The following DLG5 variants were observed in gnomAD, a reference collection of about 807,000 sequenced individuals.
DLG5 encodes disks large homolog 5.
A neutral mutation model predicts 189.8 loss-of-function variants in DLG5; 48 were observed. That is an observed-to-expected ratio of 0.25 (90% CI 0.20 to 0.32). The LOEUF (loss-of-function observed/expected upper bound fraction) is 0.32, where lower values mean the gene tolerates loss of function less well. Among genes scored for constraint, DLG5 ranks in the 10% least tolerant of loss-of-function variants. DLG5 has a pLI of 1.00. For missense variants in DLG5, 2,160 were observed against 2,544.7 expected (o/e 0.85, Z 3.25); for synonymous variants, 1,016 against 1,054.1 (o/e 0.96, Z 0.70).
chr10:77,822,078 C>A lies in DLG5; in HGVS notation c.2406G>T (p.Trp802Cys). 6.2e-7 allele frequency: 1 copy of A among 1,613,540 alleles called. No homozygotes were observed. Among genetic ancestry groups the A allele is most frequent in the Non-Finnish European group, 8.5e-7 (1 of 1,179,694 alleles). ...TATTTTCAAAAATGTTCTGGCCACT[C>A]CACGAGGAGCTCTGAGGGAATACCT... ...LLKVFPQSSSWSGQNIFENIK... is the reference protein window; with the variant it reads ...LLKVFPQSSSCSGQNIFENIK... Residue 802 changes from tryptophan to cysteine, a missense_variant, in exon 15 of 32, where the codon TGG becomes TGT. Trp to Cys is a radical substitution (Grantham distance 215). Coordinates refer to ENST00000372391, the MANE Select transcript of DLG5 (RefSeq NM_004747.4).
intron 1 of DLG5, among the ~76,000 whole-genome samples, chr10:77,895,112 A>T (rs1228273667): frequency 6.6e-6 from 1 of 152,138 alleles, no homozygotes; most frequent in African/African-American, 2.4e-5. Context: ...ATCAGGGCTC[A>T]CTCTGCAGCC....
In DLG5 at chr10:77,811,085, T is replaced by A. The variant is rs374163392; in HGVS notation, c.4463+9A>T. On this transcript the variant is annotated intron_variant, in intron 23 of 31. Coordinates refer to ENST00000372391, the MANE Select transcript of DLG5 (RefSeq NM_004747.4). ...GACACAGGGAAGGCTCACAGCAACG[T>A]CTGCTGACCTGGAGCTGCTCTGCTT... 4.3e-6 allele frequency: 7 copies of A among 1,610,106 alleles called. No individual in the cohort carries two copies. In the African/African-American group the frequency reaches 9.4e-5, roughly 22 times the overall value.
At chr10:77,884,571 T>C (rs1269334699) in intron 1 of DLG5, among the ~76,000 whole-genome samples, 3 of 152,272 alleles carry the variant, frequency 2.0e-5, no homozygotes, top group Admixed American at 2.0e-4. Flanking sequence ...CTTCCCGTAA[T>C]TAATTACTGA....
intron 8 of DLG5, among the ~76,000 whole-genome samples, chr10:77,835,240 T>A (rs909864900): frequency 6.6e-6 from 1 of 152,008 alleles, no homozygotes; most frequent in African/African-American, 2.4e-5. Flanking sequence ...TGCCACACTC[T>A]CTGGGGAGAC....
chr10:77,817,046 T>C lies in DLG5; in HGVS notation c.3835A>G (p.Thr1279Ala). 6.2e-7 allele frequency: 1 copy of C among 1,614,114 alleles called. No individual in the cohort carries two copies. Among genetic ancestry groups the C allele is most frequent in the Non-Finnish European group, 8.5e-7 (1 of 1,180,022 alleles). ...FKAERIKIPS[T>A]PRYPRSVVGS... The stretch of plus-strand genomic sequence containing the variant: ...ACGACACTCCGCGGATATCTTGGTG[T>C]TGATGGGATTTTAATGCGTTCCGCC... Residue 1279 changes from threonine (T) to alanine (A), a missense_variant, in exon 19 of 32, where the codon ACA becomes GCA. Thr to Ala is a moderately conservative substitution (Grantham distance 58). Coordinates refer to ENST00000372391, the MANE Select transcript of DLG5 (RefSeq NM_004747.4).
In DLG5 at chr10:77,807,952, G is replaced by A; in HGVS notation, c.4648-8C>T. 6.2e-7 allele frequency: 1 copy of A among 1,613,944 alleles called. No individual in the cohort carries two copies. Among genetic ancestry groups the A allele is most frequent in the Non-Finnish European group, 8.5e-7 (1 of 1,179,962 alleles). On this transcript the variant is annotated splice_region_variant and splice_polypyrimidine_tract_variant and intron_variant, in intron 24 of 31. Transcript: ENST00000372391. ...CACGTCCAGGCTGCCATACTGCCAG[G>A]GATGGGGGTGGATGCATCAGAAGGC...
chr10:77,932,762 G>A, the DLG5 span, among the ~76,000 whole-genome samples: 2 of 152,216 alleles, frequency 1.3e-5, no homozygotes, highest in African/African-American at 4.8e-5. Flanking sequence ...CTGCAGAGTG[G>A]CCACTGCTGG....
At chr10:77,931,439 A>G (rs1846785419), upstream of DLG5, among the ~76,000 whole-genome samples, 2 of 151,386 alleles carry the variant, frequency 1.3e-5, no homozygotes, top group African/African-American at 2.4e-5. Context: ...TTGTAGAGAC[A>G]GAGTCTCGTT....
chr10:77,834,286 A>C (rs1843017640), intron 8 of DLG5, among the ~76,000 whole-genome samples: 1 of 152,120 alleles, frequency 6.6e-6, no homozygotes, highest in Admixed American at 6.5e-5. Flanking sequence ...AACAAGTGTC[A>C]GGTTCCCAAT....
intron 2 of DLG5, among the ~76,000 whole-genome samples, chr10:77,863,163 C>A (rs1279054145): frequency 6.6e-6 from 1 of 152,176 alleles, no homozygotes; most frequent in South Asian, 2.1e-4. Flanking sequence ...ACAATCAAGG[C>A]TCACTACAAC....
chr10:77,835,656 T>G, intron 8 of DLG5, 82 bp downstream of exon 8: 2 of 1,422,360 alleles, frequency 1.4e-6, no homozygotes, highest in Non-Finnish European at 1.9e-6. Flanking sequence ...CAGTAAATGA[T>G]TCCGACCCTC....
intron 20 of DLG5, among the ~76,000 whole-genome samples, chr10:77,814,335 A>G (rs1841929074): frequency 6.6e-6 from 1 of 151,868 alleles, no homozygotes; most frequent in African/African-American, 2.4e-5. Context: ...TAATATGCAT[A>G]GAAGTTTTCT....
intron 1 of DLG5, among the ~76,000 whole-genome samples, chr10:77,900,929 C>T (rs1405860003): frequency 6.6e-6 from 1 of 150,782 alleles, no homozygotes; most frequent in Non-Finnish European, 1.5e-5. Flanking sequence ...AGCGAGACTC[C>T]GTCTCAAGTA....
At position 77,821,212 on chromosome 10, in the gene DLG5, T is replaced by C. The variant is rs1383219765; in HGVS notation, c.3272A>G (p.Lys1091Arg). The change falls in exon 15 of 32, where the codon AAG (lysine) becomes AGG (arginine). Residue 1091 changes from lysine to arginine, a missense_variant. Physicochemically the swap from Lys to Arg is conservative, Grantham distance 26. Coordinates refer to ENST00000372391, the MANE Select transcript of DLG5 (RefSeq NM_004747.4). ...GGTGAGGTCCTCATCACAGGATTTC[T>C]TGGCCGGCAGGTGGGAGGAGTCCCC... is the stretch of plus-strand genomic sequence containing the variant. The part of the protein sequence containing the change: ...GDGDSSHLPA[K>R]KSCDEDLTSQ... 1 of 1,614,184 alleles carries C rather than the reference T, an allele frequency of 6.2e-7. No individual in the cohort carries two copies. The highest frequency in any genetic ancestry group is 8.5e-7 in the Non-Finnish European group (1 of 1,180,054).
intron 9 of DLG5, among the ~76,000 whole-genome samples, chr10:77,833,611 T>C (rs1460574248): frequency 6.6e-6 from 1 of 152,244 alleles, no homozygotes; most frequent in African/African-American, 2.4e-5. Context: ...CATGCATGCC[T>C]GCCCCAGATG....
chr10:77,816,213 G>C (rs917128200), intron 20 of DLG5: 7 of 581,742 alleles, frequency 1.2e-5, no homozygotes, highest in African/African-American at 9.1e-5. Context: ...GACACTGGCA[G>C]GGTCCCTGTA....
At position 77,821,392 on chromosome 10, in the gene DLG5, C is replaced by G. The variant is rs770295346; in HGVS notation, c.3092G>C (p.Ser1031Thr). The change falls in exon 15 of 32, where the codon AGC becomes ACC. Residue 1031 changes from serine (S) to threonine (T), a missense_variant. Ser to Thr is a moderately conservative substitution (Grantham distance 58, BLOSUM62 1). Coordinates refer to ENST00000372391, the MANE Select transcript of DLG5 (RefSeq NM_004747.4). ...CACCAGAGTGGCTTCTGACTCGGAG[C>G]TAGTCTCCAGCCTGTGCTGGAACTT... is the stretch of plus-strand genomic sequence containing the variant. Reference protein sequence around the residue: ...SIKFQHRLETSSESEATLVGS... With the variant: ...SIKFQHRLETTSESEATLVGS... 3 of 1,612,448 alleles carry G rather than the reference C, an allele frequency of 1.9e-6. No individual in the cohort carries two copies. Among genetic ancestry groups the G allele is most frequent in the Admixed American group, 3.3e-5 (2 of 60,004 alleles).
chr10:77,885,347 A>G (rs1450292898), intron 1 of DLG5, among the ~76,000 whole-genome samples: 1 of 152,238 alleles, frequency 6.6e-6, no homozygotes, highest in Admixed American at 6.5e-5. Flanking sequence ...CCCCAAGTCA[A>G]CCACAGAAAA....
intron 8 of DLG5, 36 bp from the exon 9 acceptor site, chr10:77,834,075 A>G (rs1392258998): frequency 3.8e-6 from 6 of 1,590,554 alleles, no homozygotes; most frequent in Non-Finnish European, 4.3e-6. Context: ...TCATCTCAAG[A>G]GGCATGGGGA....
Sources: gnomAD v4.1 joint callset for allele counts (sites outside exome capture counted in the v4.1 genomes callset) on GRCh38, gnomAD v4.1.1 for gene constraint, MANE v1.5 for transcripts, NCBI Gene and HGNC (gene_info 2026-07-23, HGNC 2026-07-21) for gene names.